BRWD1: variants seen among roughly 807,000 people sequenced by gnomAD.
BRWD1 encodes the protein bromodomain and WD repeat-containing protein 1.
A neutral mutation model predicts 251.2 loss-of-function variants in BRWD1; 82 were observed. That is an observed-to-expected ratio of 0.33 (90% CI 0.27 to 0.39). The LOEUF (loss-of-function observed/expected upper bound fraction) is 0.39, where lower values mean the gene tolerates loss of function less well. Ranked by LOEUF, BRWD1 falls within the 10% of genes least tolerant of loss-of-function variation. The probability of loss-of-function intolerance (pLI) is 1.00; values close to 1 mark genes in which losing one functional copy is unlikely to be tolerated. For missense variants in BRWD1, 2,233 were observed against 2,711.6 expected (o/e 0.82, Z 3.92); for synonymous variants, 918 against 902.8 (o/e 1.02, Z -0.30).
At chr21:39,239,473 A>G (rs1040667281) in intron 21 of BRWD1, among the ~76,000 whole-genome samples, 15 of 152,204 alleles carry the variant, frequency 9.9e-5, no homozygotes, top group Admixed American at 9.2e-4. Context: ...TTTGCCAAAG[A>G]TCGTTTGAAT....
rs543165049 is a variant in BRWD1 at position 39,194,505 on chromosome 21, T to C, written c.*1754A>G. On this transcript the variant is annotated 3_prime_UTR_variant, in exon 41 of 41. Coordinates refer to ENST00000342449, the MANE Select transcript of BRWD1 (RefSeq NM_033656.4). The stretch of plus-strand genomic sequence containing the variant: ...ACAAGTTCTGAGAAGAAAAGCATCA[T>C]AGTTCTGAAATGGTGATAGCTCTCT... 4.2e-6 allele frequency: 6 copies of C among 1,418,904 alleles called. No individual in the cohort carries two copies. In the African/African-American group the frequency reaches 5.8e-5, roughly 14 times the overall value. 87.9% of individuals were successfully genotyped at this position (1,418,904 alleles called of 1,614,324 possible).
intron 21 of BRWD1, among the ~76,000 whole-genome samples, chr21:39,246,555 A>G (rs1194494505): frequency 1.3e-5 from 2 of 152,244 alleles, no homozygotes. Context: ...AAAACCTGTC[A>G]TGAATGTTGA....
At chr21:39,310,526 C>G (rs928082651) in intron 4 of BRWD1, among the ~76,000 whole-genome samples, 8 of 152,020 alleles carry the variant, frequency 5.3e-5, no homozygotes, top group Admixed American at 2.6e-4. Context: ...ACTGAGGAGG[C>G]TGAGGCAGGA....
chr21:39,261,962 C>G (rs2146645645), intron 17 of BRWD1, among the ~76,000 whole-genome samples: 1 of 152,200 alleles, frequency 6.6e-6, no homozygotes, highest in East Asian at 1.9e-4. Context: ...CACAGATCAG[C>G]TGGAAGAACT....
chr21:39,255,028 A>G (rs2034515960), intron 19 of BRWD1, among the ~76,000 whole-genome samples: 1 of 152,208 alleles, frequency 6.6e-6, no homozygotes, highest in Non-Finnish European at 1.5e-5. Context: ...ATACACACTT[A>G]TACGCTTATG....
intron 8 of BRWD1, among the ~76,000 whole-genome samples, chr21:39,287,010 TCA>T (rs1169592836): frequency 2.0e-5 from 3 of 152,170 alleles, no homozygotes; most frequent in Admixed American, 6.6e-5. Flanking sequence ...GATGTAGATA[TCA>T]CACTGACATG....
chr21:39,249,044 C>A (rs560614295), intron 20 of BRWD1, among the ~76,000 whole-genome samples: 1 of 150,106 alleles, frequency 6.7e-6, no homozygotes, highest in Non-Finnish European at 1.5e-5. Flanking sequence ...AAAAAAAAAA[C>A]GAGATCATGT....
chr21:39,298,230 C>A lies in BRWD1; in HGVS notation c.349+202G>T, dbSNP rs1601489334. 24 of 1,221,198 alleles carry A rather than the reference C, an allele frequency of 2.0e-5. No individual in the cohort carries two copies. In the East Asian group the frequency reaches 8.1e-4, roughly 41 times the overall value. 75.6% of individuals were successfully genotyped at this position (1,221,198 alleles called of 1,614,324 possible). A position where few individuals can be genotyped will look rare whatever the true frequency, so the allele number is the denominator to read the frequency against. The stretch of plus-strand genomic sequence containing the variant: ...TTTAGCTTAACATCTATATCTTTAT[C>A]AACTTTTTAATGCAGAAGGACCCAT... On this transcript the variant is annotated intron_variant, in intron 5 of 40. Coordinates refer to ENST00000342449, the MANE Select transcript of BRWD1 (RefSeq NM_033656.4).
chr21:39,194,708 G>A lies in BRWD1; in HGVS notation c.*1551C>T, dbSNP rs200187639. On this transcript the variant is annotated 3_prime_UTR_variant, in exon 41 of 41. Transcript: ENST00000342449. ...AACATTAATACCAGTCTGATGCTTC[G>A]CCTTGTCTGCCACTTCAAAGATACA... 13 of 1,535,012 alleles carry A rather than the reference G, an allele frequency of 8.5e-6. No homozygotes were observed. The Middle Eastern group carries it at 6.7e-4, about 79-fold the overall frequency.
At chr21:39,290,291 A>T (rs140126455) in intron 8 of BRWD1, among the ~76,000 whole-genome samples, 4,889 of 151,582 alleles carry the variant, frequency 0.032, 113 homozygotes, top group Non-Finnish European at 0.049. Flanking sequence ...AGATCGAGAC[A>T]ATCCTGGCTA....
intron 32 of BRWD1, among the ~76,000 whole-genome samples, chr21:39,213,780 T>C (rs1364085076): frequency 6.6e-6 from 1 of 152,124 alleles, no homozygotes; most frequent in Non-Finnish European, 1.5e-5. Flanking sequence ...TGTATCCAAA[T>C]TAAGCAGGTA....
intron 29 of BRWD1, 112 bp downstream of exon 29, chr21:39,224,296 T>G: frequency 1.8e-6 from 1 of 566,110 alleles, no homozygotes. Flanking sequence ...TCAGTTACTG[T>G]AATAATTTGA....
At chr21:39,318,093 C>A (rs1026521352), upstream of BRWD1, among the ~76,000 whole-genome samples, 1 of 151,928 alleles carries the variant, frequency 6.6e-6, no homozygotes, top group Non-Finnish European at 1.5e-5. Context: ...TAAGAATTTG[C>A]CTAAAAATGG....
intron 33 of BRWD1, 72 bp from the exon 34 acceptor site, chr21:39,212,779 A>G (rs1356179033): frequency 1.8e-6 from 2 of 1,100,890 alleles, no homozygotes; most frequent in East Asian, 4.9e-5. Context: ...CTTAATAAAT[A>G]ACATATCAAA....
intron 8 of BRWD1, among the ~76,000 whole-genome samples, chr21:39,282,040 A>G (rs941607066): frequency 3.3e-5 from 5 of 151,734 alleles, no homozygotes; most frequent in African/African-American, 9.7e-5. Context: ...AAGTATATGT[A>G]TGTACATATG....
chr21:39,193,927 A>G lies in BRWD1; in HGVS notation c.*2332T>C, dbSNP rs2031682763. 2.0e-6 allele frequency: 2 copies of G among 985,404 alleles called. No homozygotes were observed. Among genetic ancestry groups the G allele is most frequent in the Non-Finnish European group, 2.4e-6 (2 of 829,706 alleles). 61.0% of individuals were successfully genotyped at this position (985,404 alleles called of 1,614,324 possible). A position where few individuals can be genotyped will look rare whatever the true frequency, so the allele number is the denominator to read the frequency against. ...AACCTTAGGAATAGCACCATAACCA[A>G]AAAAACCCATAAAAATTATTTTCTC... On this transcript the variant is annotated 3_prime_UTR_variant, in exon 41 of 41. Transcript: ENST00000342449.
intron 36 of BRWD1, among the ~76,000 whole-genome samples, chr21:39,207,441 AAAAAAAG>A (rs1232454891): frequency 2.8e-5 from 2 of 72,552 alleles, no homozygotes; most frequent in African/African-American, 1.2e-4. Context: ...AAAAAAAAGA[AAAAAAAG>A]AAAACACACA....
chr21:39,269,748 G>T, intron 15 of BRWD1, 151 bp downstream of exon 15: 1 of 511,684 alleles, frequency 2.0e-6, no homozygotes. Flanking sequence ...GTATATACAT[G>T]TAGCTGTCTA....
chr21:39,187,828 T>C lies in BRWD1; in HGVS notation c.*8431A>G, dbSNP rs1408870902. 4.1e-6 allele frequency: 4 copies of C among 985,178 alleles called. No individual in the cohort carries two copies. The African/African-American group carries it at 7.0e-5, about 17-fold the overall frequency. 61.0% of individuals were successfully genotyped at this position (985,178 alleles called of 1,614,324 possible). ...ATTCTAAAAAATAACACAGAGTTGC[T>C]TTAAGGAACCAAAAAGTGCAGAGTG... On this transcript the variant is annotated 3_prime_UTR_variant, in exon 41 of 41. Transcript: ENST00000342449.
Sources: allele counts gnomAD v4.1 joint callset (sites outside exome capture counted in the v4.1 genomes callset), GRCh38; gene constraint gnomAD v4.1.1; transcripts MANE v1.5; gene names NCBI Gene and HGNC (gene_info 2026-07-23, HGNC 2026-07-21).